TANGO6: variants seen among roughly 807,000 people sequenced by gnomAD.
TANGO6 encodes the protein transport and Golgi organization protein 6 homolog.
TANGO6 carries 90 observed loss-of-function variants against 114.2 expected under a neutral mutation model. That is an observed-to-expected ratio of 0.79 (90% CI 0.66 to 0.94). TANGO6 has a LOEUF of 0.94. Ranked by LOEUF, TANGO6 falls within the 40% of genes least tolerant of loss-of-function variation. The probability of loss-of-function intolerance (pLI) is 0.00; values close to 1 mark genes in which losing one functional copy is unlikely to be tolerated. For missense variants in TANGO6, 1,274 were observed against 1,315.3 expected (o/e 0.97, Z 0.49); for synonymous variants, 477 against 509.8 (o/e 0.94, Z 0.87).
chr16:68,870,390 A>G (rs1163518703), intron 4 of TANGO6, among the ~76,000 whole-genome samples: 2 of 152,196 alleles, frequency 1.3e-5, no homozygotes, highest in African/African-American at 4.8e-5. Flanking sequence ...TAGAGTGGCT[A>G]TAATATTGCC....
At chr16:69,065,586 T>G (rs1960204101) in intron 17 of TANGO6, among the ~76,000 whole-genome samples, 1 of 152,220 alleles carries the variant, frequency 6.6e-6, no homozygotes, top group South Asian at 2.1e-4. Context: ...AAGTGCCATT[T>G]ATCTCTAGGT....
chr16:68,916,489 A>C (rs545885179), intron 11 of TANGO6, among the ~76,000 whole-genome samples: 3 of 151,638 alleles, frequency 2.0e-5, no homozygotes, highest in Non-Finnish European at 4.4e-5. Flanking sequence ...AGTGTGTGGA[A>C]AAATTGTCTT....
chr16:68,863,937 G>A (rs1962138437), intron 3 of TANGO6, among the ~76,000 whole-genome samples: 1 of 152,182 alleles, frequency 6.6e-6, no homozygotes, highest in Non-Finnish European at 1.5e-5. Context: ...CACTTTGGGA[G>A]GCCAAGGTGG....
Position 69,012,936 on chromosome 16 carries a change from C to T in TANGO6, c.2843-9892C>T, listed in dbSNP as rs9930763. Among the ~76,000 whole-genome samples, 229 of 152,182 alleles carry T rather than the reference C, an allele frequency of 1.5e-3. 1 individual carries two copies. The highest frequency in any genetic ancestry group is 5.4e-3 in the African/African-American group (223 of 41,524). On this transcript the variant is annotated intron_variant, in intron 15 of 17. Coordinates refer to ENST00000261778, the MANE Select transcript of TANGO6 (RefSeq NM_024562.2). Reference sequence around the variant, plus strand: ...AAACAACAAGAAGCAACAACCAAAACCAAAGAACCCCTCCTGGATGGGATA... The same window carrying T: ...AAACAACAAGAAGCAACAACCAAAATCAAAGAACCCCTCCTGGATGGGATA...
chr16:68,963,574 A>G (rs1193194763), intron 14 of TANGO6, among the ~76,000 whole-genome samples: 2 of 152,144 alleles, frequency 1.3e-5, no homozygotes, highest in Non-Finnish European at 2.9e-5. Context: ...GACATGACCT[A>G]CTCACTTTCT....
At chr16:69,076,859 A>T (rs1960387652) in intron 17 of TANGO6, among the ~76,000 whole-genome samples, 1 of 152,096 alleles carries the variant, frequency 6.6e-6, no homozygotes, top group Non-Finnish European at 1.5e-5. Flanking sequence ...TCCCTGTCCC[A>T]TTGGAGTTCA....
chr16:69,038,821 T>A (rs1959730781), intron 16 of TANGO6, among the ~76,000 whole-genome samples: 1 of 152,048 alleles, frequency 6.6e-6, no homozygotes, highest in South Asian at 2.1e-4. Flanking sequence ...CGCGGGCAGA[T>A]CACCTGAAGT....
At chr16:69,032,384 G>C (rs1201033091) in intron 16 of TANGO6, among the ~76,000 whole-genome samples, 1 of 152,008 alleles carries the variant, frequency 6.6e-6, no homozygotes, top group Non-Finnish European at 1.5e-5. Flanking sequence ...TCTTGCCTCA[G>C]CCTCTCAAGT....
chr16:68,851,504 G>A (rs1043235223), intron 1 of TANGO6, among the ~76,000 whole-genome samples: 3 of 152,140 alleles, frequency 2.0e-5, no homozygotes, highest in Non-Finnish European at 4.4e-5. Flanking sequence ...GGTACATGAT[G>A]GTACGTATAA....
At chr16:69,037,135 CAAA>C (rs1232986110) in intron 16 of TANGO6, among the ~76,000 whole-genome samples, 5 of 45,264 alleles carry the variant, frequency 1.1e-4, no homozygotes, top group Non-Finnish European at 4.5e-5. Flanking sequence ...GAGTCCATCT[CAAA>C]AAAAAAAAAA....
At chr16:69,012,956 G>A (rs1959226520) in intron 15 of TANGO6, among the ~76,000 whole-genome samples, 3 of 152,172 alleles carry the variant, frequency 2.0e-5, no homozygotes, top group African/African-American at 7.2e-5. Flanking sequence ...CCTCCTGGAT[G>A]GGATAATAGT....
Position 68,880,589 on chromosome 16 carries a change from A to G in TANGO6, c.1336A>G (p.Thr446Ala). The G allele has an allele frequency of 6.2e-7, 1 of 1,613,016 alleles. No homozygotes were observed. The highest frequency in any genetic ancestry group is 8.5e-7 in the Non-Finnish European group (1 of 1,179,458). The change falls in exon 7 of 18, where the codon ACA becomes GCA. Residue 446 changes from threonine (T) to alanine (A), a missense_variant. Around this residue, in one of 5 missense-constraint regions of TANGO6, gnomAD observed 908 missense variants for 910.2 expected, o/e 1.00. Transcript: ENST00000261778. Reference protein sequence around the residue: ...SDMVPGTILVTEEELSRCIED... With the variant: ...SDMVPGTILVAEEELSRCIED... ...CATGGTACCAGGAACTATTTTGGTGACAGAAGAAGAACTTAGTAGATGCAT... is the reference window on the plus strand; with the variant it reads ...CATGGTACCAGGAACTATTTTGGTGGCAGAAGAAGAACTTAGTAGATGCAT...
intron 1 of TANGO6, among the ~76,000 whole-genome samples, chr16:68,847,943 T>C (rs1961840390): frequency 7.4e-6 from 1 of 134,930 alleles, no homozygotes; most frequent in African/African-American, 2.9e-5. Flanking sequence ...GAGGTTGCAG[T>C]AAGCTGAGAT....
intron 11 of TANGO6, among the ~76,000 whole-genome samples, chr16:68,914,502 A>T (rs1395800892): frequency 6.6e-6 from 1 of 152,210 alleles, no homozygotes; most frequent in Non-Finnish European, 1.5e-5. Flanking sequence ...TATTAAACCA[A>T]ACTAAAAGTG....
chr16:68,870,416 C>A (rs1237881178), intron 4 of TANGO6, among the ~76,000 whole-genome samples: 1 of 152,116 alleles, frequency 6.6e-6, no homozygotes, highest in African/African-American at 2.4e-5. Context: ...TCAGTTCTCC[C>A]CACAGTGGCT....
chr16:69,062,113 T>A lies in TANGO6; in HGVS notation c.3109-21372T>A, dbSNP rs548192807. 1.4e-4 allele frequency among the ~76,000 whole-genome samples: 21 copies of A among 152,330 alleles called. 1 individual carries two copies. In the South Asian group the frequency reaches 3.5e-3, roughly 26 times the overall value. On this transcript the variant is annotated intron_variant, in intron 17 of 17. Transcript: ENST00000261778. ...ATACATATGTTTAAGAACAAATTTT[T>A]AAAAATATTTGTGGGGAAAAGATGC...
chr16:68,886,126 C>G (rs546062651), intron 7 of TANGO6, among the ~76,000 whole-genome samples: 32 of 152,212 alleles, frequency 2.1e-4, no homozygotes, highest in African/African-American at 7.7e-4. Flanking sequence ...ATTTATGTTT[C>G]CTAATGGCTA....
chr16:69,074,363 G>A (rs1960341077), intron 17 of TANGO6, among the ~76,000 whole-genome samples: 1 of 151,908 alleles, frequency 6.6e-6, no homozygotes, highest in Admixed American at 6.6e-5. Flanking sequence ...GGGAATTCAG[G>A]GCGAGTCTGC....
chr16:68,982,904 T>G (rs1963853424), intron 15 of TANGO6, among the ~76,000 whole-genome samples: 1 of 152,166 alleles, frequency 6.6e-6, no homozygotes, highest in Non-Finnish European at 1.5e-5. Context: ...TGTTCCTTGC[T>G]AATATTTATT....
Sources: allele counts gnomAD v4.1 joint callset (sites outside exome capture counted in the v4.1 genomes callset), GRCh38; gene constraint gnomAD v4.1.1; regional missense constraint gnomAD v4.1.1; transcripts MANE v1.5; gene names NCBI Gene and HGNC (gene_info 2026-07-23, HGNC 2026-07-21).